Variants in ELOVL7 observed in about 807,000 individuals in gnomAD.
ELOVL7 encodes the protein ELOVL fatty acid elongase 7, also known as very long chain fatty acid elongase 7.
ELOVL7 carries 27 observed loss-of-function variants against 35.7 expected under a neutral mutation model. The observed-to-expected ratio is 0.76, with a 90% confidence interval of 0.56 to 1.04. The LOEUF (loss-of-function observed/expected upper bound fraction) is 1.04. Ranked by LOEUF, ELOVL7 falls within the 50% of genes least tolerant of loss-of-function variation. The probability of loss-of-function intolerance (pLI) is 0.00; values close to 1 mark genes in which losing one functional copy is unlikely to be tolerated. For synonymous variants in ELOVL7, 113 were observed against 114.6 expected, an observed-to-expected ratio of 0.99 and a Z score of 0.09; for missense variants, 327 against 340.8, an observed-to-expected ratio of 0.96 and a Z score of 0.32.
At chr5:60,756,460 A>T (rs1333199591) in intron 8 of ELOVL7, among the ~76,000 whole-genome samples, 1 of 152,202 alleles carries the variant, frequency 6.6e-6, no homozygotes, top group Non-Finnish European at 1.5e-5. Context: ...AATATTTTTT[A>T]AAGAAGCAAT....
intron 2 of ELOVL7, among the ~76,000 whole-genome samples, chr5:60,793,385 G>T (rs1476848102): frequency 6.6e-6 from 1 of 152,080 alleles, no homozygotes; most frequent in South Asian, 2.1e-4. Context: ...TCTTCAAAGC[G>T]CTAGCTCAAC....
intron 7 of ELOVL7, among the ~76,000 whole-genome samples, chr5:60,762,114 A>G (rs1444259354): frequency 1.3e-5 from 2 of 152,074 alleles, no homozygotes; most frequent in Non-Finnish European, 2.9e-5. Context: ...TACTATTCTC[A>G]TTTTGTAAAG....
intron 8 of ELOVL7, among the ~76,000 whole-genome samples, chr5:60,755,601 G>A (rs1437138080): frequency 6.6e-6 from 1 of 152,156 alleles, no homozygotes; most frequent in Non-Finnish European, 1.5e-5. Context: ...AGGTTGCAGT[G>A]AGCCGAGATC....
intron 4 of ELOVL7, among the ~76,000 whole-genome samples, chr5:60,770,075 C>A (rs1742488674): frequency 6.6e-6 from 1 of 150,978 alleles, no homozygotes; most frequent in Non-Finnish European, 1.5e-5. Context: ...AAAAAGAATT[C>A]CCTGAATTCA....
At chr5:60,779,918 A>G (rs979655521) in intron 3 of ELOVL7, among the ~76,000 whole-genome samples, 1 of 152,152 alleles carries the variant, frequency 6.6e-6, no homozygotes, top group African/African-American at 2.4e-5. Context: ...TCTCAAGTTA[A>G]AAGTTTCACA....
At chr5:60,840,594 G>A (rs549353706) in intron 1 of ELOVL7, among the ~76,000 whole-genome samples, 1 of 152,294 alleles carries the variant, frequency 6.6e-6, no homozygotes. Flanking sequence ...ATGGCAGCCT[G>A]AGGAAACTAA....
At chr5:60,839,883 C>T (rs1411424724) in intron 1 of ELOVL7, among the ~76,000 whole-genome samples, 2 of 152,052 alleles carry the variant, frequency 1.3e-5, no homozygotes, top group Non-Finnish European at 2.9e-5. Context: ...TGTCTGTAGT[C>T]TCAGCTACTG....
chr5:60,774,402 T>C (rs1252521654), intron 3 of ELOVL7, among the ~76,000 whole-genome samples: 2 of 152,146 alleles, frequency 1.3e-5, no homozygotes, highest in South Asian at 2.1e-4. Flanking sequence ...AAAAACCATA[T>C]GATTATCCCA....
Position 60,766,554 on chromosome 5 carries a change from T to G in ELOVL7, c.393+20A>C. 1 of 1,579,404 alleles carries G rather than the reference T, an allele frequency of 6.3e-7. No homozygotes were observed. The highest frequency in any genetic ancestry group is 1.4e-5 in the African/African-American group (1 of 73,754). On this transcript the variant is annotated intron_variant, in intron 6 of 8. Transcript: ENST00000508821. ...CATTTAAGATCAAACATTTACCAAATGTGGTGGCCATATACTCACCGTATC... is the reference window on the plus strand; with the variant it reads ...CATTTAAGATCAAACATTTACCAAAGGTGGTGGCCATATACTCACCGTATC...
At chr5:60,760,490 GT>G (rs1741839289) in intron 7 of ELOVL7, among the ~76,000 whole-genome samples, 1 of 152,060 alleles carries the variant, frequency 6.6e-6, no homozygotes, top group African/African-American at 2.4e-5. Flanking sequence ...GGGGTTGTTT[GT>G]TTTCTTCTTG....
At chr5:60,811,175 TA>T (rs375538213) in intron 1 of ELOVL7, among the ~76,000 whole-genome samples, 1,995 of 152,104 alleles carry the variant, frequency 0.013, 21 homozygotes, top group Non-Finnish European at 0.021. Context: ...GTACTTTTTT[TA>T]AAAAAAACTT....
At chr5:60,824,476 G>A (rs1374758309) in intron 1 of ELOVL7, among the ~76,000 whole-genome samples, 2 of 152,128 alleles carry the variant, frequency 1.3e-5, no homozygotes, top group Non-Finnish European at 2.9e-5. Context: ...ACAGTGAGAT[G>A]TTCAAAAAAG....
chr5:60,771,965 T>A lies in ELOVL7; in HGVS notation c.193A>T (p.Lys65Ter). Reference sequence around the variant, plus strand: ...AAATTGTACGTTATCATTGCTTTCTTGAGTTCAAAGGGCTTGCGATTTTCC... The same window carrying A: ...AAATTGTACGTTATCATTGCTTTCTAGAGTTCAAAGGGCTTGCGATTTTCC... ...LMENRKPFEL[K>*]KAMITYNFFI... Residue 65 changes from lysine (K) to a stop codon, truncating the protein, a stop_gained, in exon 4 of 9, where the codon AAG (lysine) becomes TAG (stop). Transcript: ENST00000508821. LOFTEE classifies it high-confidence loss of function. 6.2e-7 allele frequency: 1 copy of A among 1,614,020 alleles called. No homozygotes were observed. Among genetic ancestry groups the A allele is most frequent in the Non-Finnish European group, 8.5e-7 (1 of 1,179,922 alleles).
chr5:60,809,847 G>C (rs566137360), intron 1 of ELOVL7, among the ~76,000 whole-genome samples: 2 of 152,082 alleles, frequency 1.3e-5, no homozygotes, highest in Admixed American at 1.3e-4. Flanking sequence ...GGAACAACAG[G>C]GTTGATTCTG....
intron 7 of ELOVL7, among the ~76,000 whole-genome samples, chr5:60,762,518 C>T (rs537806205): frequency 3.4e-4 from 52 of 151,954 alleles, no homozygotes; most frequent in African/African-American, 1.2e-3. Context: ...GAGAAAGGGA[C>T]GGAAATAAAG....
At chr5:60,801,801 C>T (rs541161451) in intron 1 of ELOVL7, among the ~76,000 whole-genome samples, 5 of 152,098 alleles carry the variant, frequency 3.3e-5, no homozygotes, top group South Asian at 2.1e-4. Context: ...CCTTGCAGGA[C>T]GCTTACTCCA....
chr5:60,797,745 G>A (rs1243592441), intron 2 of ELOVL7, among the ~76,000 whole-genome samples: 1 of 152,178 alleles, frequency 6.6e-6, no homozygotes, highest in African/African-American at 2.4e-5. Context: ...TGGTGCAAGT[G>A]CAGTACAAGG....
chr5:60,806,114 G>C (rs1183205741), intron 1 of ELOVL7, among the ~76,000 whole-genome samples: 2 of 152,158 alleles, frequency 1.3e-5, no homozygotes, highest in Non-Finnish European at 1.5e-5. Context: ...TTTAGACACA[G>C]ACATGCACAC....
rs879262823 is a variant in ELOVL7 at position 60,832,369 on chromosome 5, AT to A, written c.-86+11790del. ...AAACCTAAGGATTGGGGATTGATAG[AT>A]TTTTTTTTTTTTTGAGACGGAGTCT... On this transcript the variant is annotated intron_variant, in intron 1 of 8. Transcript: ENST00000508821. Among the ~76,000 whole-genome samples, 564 of 146,094 alleles carry A rather than the reference AT, an allele frequency of 3.9e-3. 1 individual carries two copies. The highest frequency in any genetic ancestry group is 0.021 in the Middle Eastern group (6 of 280).
Sources: allele counts gnomAD v4.1 joint callset (sites outside exome capture counted in the v4.1 genomes callset), GRCh38; gene constraint gnomAD v4.1.1; transcripts MANE v1.5; gene names NCBI Gene and HGNC (gene_info 2026-07-23, HGNC 2026-07-21).